Variants in NEK11 observed in about 807,000 individuals in gnomAD.
NEK11 encodes the protein serine/threonine-protein kinase Nek11.
Under a neutral mutation model 80.7 loss-of-function variants are expected in NEK11, and 72 were observed. The observed-to-expected ratio is 0.89, with a 90% CI of 0.74 to 1.08. The LOEUF is 1.08. Ranked by LOEUF, NEK11 falls within the 50% of genes least tolerant of loss-of-function variation. The pLI is 0.00. For synonymous variants in NEK11, 251 were observed against 260.7 expected, an observed-to-expected ratio of 0.96 and a Z score of 0.36; for missense variants, 764 against 763.6, an observed-to-expected ratio of 1.00 and a Z score of -0.01.
intron 16 of NEK11, among the ~76,000 whole-genome samples, chr3:131,251,517 A>T (rs1469124759): frequency 6.6e-6 from 1 of 152,150 alleles, no homozygotes; most frequent in Non-Finnish European, 1.5e-5. Flanking sequence ...TTATAAAATA[A>T]AAAATACATA....
chr3:131,074,307 A>C (rs2148956345), intron 3 of NEK11, among the ~76,000 whole-genome samples: 1 of 152,242 alleles, frequency 6.6e-6, no homozygotes, highest in African/African-American at 2.4e-5. Flanking sequence ...TTTGGAAAAA[A>C]TGGGGAATAA....
chr3:131,331,840 AAC>A (rs1343794036), intron 17 of NEK11, among the ~76,000 whole-genome samples: 3 of 152,190 alleles, frequency 2.0e-5, no homozygotes, highest in Non-Finnish European at 4.4e-5. Flanking sequence ...AGGGTCCTAC[AAC>A]CACAGAGTCT....
At chr3:131,083,187 C>T (rs186946857) in intron 4 of NEK11, among the ~76,000 whole-genome samples, 23 of 152,362 alleles carry the variant, frequency 1.5e-4, no homozygotes, top group African/African-American at 5.5e-4. Flanking sequence ...CGAGAATCAC[C>T]CATCTAATTC....
intron 17 of NEK11, among the ~76,000 whole-genome samples, chr3:131,301,636 A>G (rs138622884): frequency 5.8e-4 from 89 of 152,184 alleles, no homozygotes; most frequent in African/African-American, 2.1e-3. Context: ...TGAGATGATC[A>G]TGTGGTTTTT....
At chr3:131,226,517 G>A (rs2107755220) in intron 14 of NEK11, among the ~76,000 whole-genome samples, 1 of 152,238 alleles carries the variant, frequency 6.6e-6, no homozygotes, top group African/African-American at 2.4e-5. Flanking sequence ...ATGAAATACT[G>A]TCTTTTGCAG....
At chr3:131,255,075 AGAAG>A (rs1207080614) in intron 16 of NEK11, among the ~76,000 whole-genome samples, 3,516 of 120,430 alleles carry the variant, frequency 0.029, 69 homozygotes, top group African/African-American at 0.057. Context: ...ACAGACAGAA[AGAAG>A]GAAAGAAAGA....
Position 131,257,176 on chromosome 3 carries a change from T to C in NEK11, c.1621+13680T>C, listed in dbSNP as rs571458261. 2.0e-5 allele frequency among the ~76,000 whole-genome samples: 3 copies of C among 150,984 alleles called. No homozygotes were observed. The East Asian group carries it at 5.9e-4, about 30-fold the overall frequency. On this transcript the variant is annotated intron_variant, in intron 16 of 17. Transcript: ENST00000383366. ...AATTTTTTTTTTTTTTTGTATTTTT[T>C]GTAGAGATGGGGTTTTGCCATGTTG...
At chr3:131,284,354 C>T (rs770268643) in intron 17 of NEK11, among the ~76,000 whole-genome samples, 4 of 152,186 alleles carry the variant, frequency 2.6e-5, no homozygotes, top group African/African-American at 4.8e-5. Flanking sequence ...CCTATGGTAG[C>T]TCAAAGCCTT....
At chr3:131,128,610 A>G (rs2083794686) in intron 5 of NEK11, among the ~76,000 whole-genome samples, 1 of 152,258 alleles carries the variant, frequency 6.6e-6, no homozygotes, top group African/African-American at 2.4e-5. Flanking sequence ...TAAAGCTGCT[A>G]TAAACACCAT....
chr3:131,140,309 G>A (rs975135559), intron 7 of NEK11, among the ~76,000 whole-genome samples: 14 of 151,984 alleles, frequency 9.2e-5, no homozygotes, highest in African/African-American at 2.9e-4. Context: ...ACATGGAGAG[G>A]GCCACATTGA....
intron 10 of NEK11, among the ~76,000 whole-genome samples, chr3:131,158,535 G>C (rs1432649373): frequency 6.6e-6 from 1 of 152,220 alleles, no homozygotes; most frequent in East Asian, 1.9e-4. Context: ...GAGAACAGCG[G>C]ACCCTTCCCT....
chr3:131,208,861 T>G (rs2094523233), intron 14 of NEK11, among the ~76,000 whole-genome samples: 2 of 152,230 alleles, frequency 1.3e-5, no homozygotes, highest in Non-Finnish European at 2.9e-5. Flanking sequence ...AAGGAGATTT[T>G]GGGCTGAGAC....
intron 3 of NEK11, among the ~76,000 whole-genome samples, chr3:131,060,595 A>G (rs983248702): frequency 1.3e-5 from 2 of 152,168 alleles, no homozygotes; most frequent in East Asian, 1.9e-4. Context: ...AGGAATTTCC[A>G]CTTGAGTATC....
At chr3:131,265,210 T>C (rs1021798086) in intron 16 of NEK11, among the ~76,000 whole-genome samples, 1 of 152,198 alleles carries the variant, frequency 6.6e-6, no homozygotes, top group Non-Finnish European at 1.5e-5. Context: ...CTGTATTTCT[T>C]TCTCTTGCCT....
rs1197749923 is a variant in NEK11, at chr3:131,168,902, G to T, written c.1249G>T (p.Asp417Tyr). 3 of 1,613,924 alleles carry T rather than the reference G, an allele frequency of 1.9e-6. No homozygotes were observed. The highest frequency in any genetic ancestry group is 2.5e-6 in the Non-Finnish European group (3 of 1,179,984). The change falls in exon 13 of 18, where the codon GAC becomes TAC. Residue 417 changes from aspartate (D) to tyrosine (Y), a missense_variant. Coordinates refer to ENST00000383366, the MANE Select transcript of NEK11 (RefSeq NM_024800.5). ...PEGRLSCSPQ[D>Y]EDEERWQGRE... The stretch of plus-strand genomic sequence containing the variant: ...GGGAAGACTTTCTTGTTCACCCCAG[G>T]ACGAGGATGAAGAGAGGTGGCAAGG...
intron 17 of NEK11, among the ~76,000 whole-genome samples, chr3:131,295,317 G>A (rs1294448921): frequency 1.3e-5 from 2 of 151,842 alleles, no homozygotes; most frequent in Non-Finnish European, 2.9e-5. Context: ...CTGGATTTGG[G>A]AATATTTGGT....
At chr3:131,239,650 T>C (rs1339440080) in intron 15 of NEK11, among the ~76,000 whole-genome samples, 6 of 152,160 alleles carry the variant, frequency 3.9e-5, no homozygotes, top group Non-Finnish European at 5.9e-5. Context: ...TGTAGACAGA[T>C]GGCTGAGTTT....
At chr3:131,102,566 C>T (rs544015721) in intron 4 of NEK11, among the ~76,000 whole-genome samples, 1 of 152,158 alleles carries the variant, frequency 6.6e-6, no homozygotes, top group East Asian at 1.9e-4. Context: ...GATGGGTTTC[C>T]CTCTGTGCAT....
intron 17 of NEK11, among the ~76,000 whole-genome samples, chr3:131,333,355 T>A (rs936485636): frequency 6.6e-6 from 1 of 152,150 alleles, no homozygotes; most frequent in Non-Finnish European, 1.5e-5. Context: ...GAATTTCATA[T>A]CCAGCCAAAC....
Sources: gnomAD v4.1 joint callset for allele counts (sites outside exome capture counted in the v4.1 genomes callset) on GRCh38, gnomAD v4.1.1 for gene constraint, MANE v1.5 for transcripts, NCBI Gene and HGNC (gene_info 2026-07-23, HGNC 2026-07-21) for gene names.